The following CALB1 variants were observed in gnomAD, a reference collection of about 807,000 sequenced individuals.
CALB1 encodes the protein calbindin 1.
In CALB1, 16 loss-of-function variants were observed where a neutral mutation model predicts 46.7. The ratio of observed to expected loss-of-function variants is 0.34; its 90% CI spans 0.23 to 0.52. The LOEUF (loss-of-function observed/expected upper bound fraction) is 0.52, where lower values mean the gene tolerates loss of function less well. CALB1 is among the 20% of genes least tolerant of loss of function. The pLI is 0.95. For synonymous variants in CALB1, 90 were observed against 112.8 expected, an observed-to-expected ratio of 0.80 and a Z score of 1.28; for missense variants, 224 against 300.3, an observed-to-expected ratio of 0.75 and a Z score of 1.88.
At chr8:90,060,489 C>T (rs1814275896) in intron 10 of CALB1, 140 bp downstream of exon 10, 3 of 781,856 alleles carry the variant, frequency 3.8e-6, no homozygotes, top group Non-Finnish European at 6.5e-6. Flanking sequence ...TAGGCCAGAA[C>T]CAAATTGAGT....
chr8:90,074,719 A>G (rs1250740722), intron 3 of CALB1, among the ~76,000 whole-genome samples: 1 of 152,176 alleles, frequency 6.6e-6, no homozygotes, highest in African/African-American at 2.4e-5. Context: ...GGGTTGTTAC[A>G]GTTTTAGGAC....
intron 5 of CALB1, among the ~76,000 whole-genome samples, chr8:90,066,651 G>A (rs551549260): frequency 3.2e-4 from 49 of 151,868 alleles, no homozygotes; most frequent in Non-Finnish European, 6.5e-4. Context: ...ATTAATGTGG[G>A]AAGGATGAAA....
At chr8:90,076,181 A>G (rs1447854815) in intron 3 of CALB1, among the ~76,000 whole-genome samples, 1 of 152,086 alleles carries the variant, frequency 6.6e-6, no homozygotes, top group Non-Finnish European at 1.5e-5. Flanking sequence ...TGCTTTGCCC[A>G]AATAACTTCT....
chr8:90,078,406 C>T lies in CALB1; in HGVS notation c.198G>A (p.Gly66=). The change falls in exon 3 of 11, where the codon GGG becomes GGA. Residue 66 remains glycine, a synonymous_variant. Coordinates refer to ENST00000265431, the MANE Select transcript of CALB1 (RefSeq NM_004929.4). ...TTCCTATTTTTCCATCATCTCTTTG[C>T]CCATACTGATCCACAAAAGTTTTCA... ...PEMKTFVDQY[G]QRDDGKIGIV... 7 of 1,594,472 alleles carry T rather than the reference C, an allele frequency of 4.4e-6. No individual in the cohort carries two copies. Among genetic ancestry groups the T allele is most frequent in the Non-Finnish European group, 6.0e-6 (7 of 1,166,916 alleles).
chr8:90,077,616 C>T (rs1165224373), intron 3 of CALB1, among the ~76,000 whole-genome samples: 4 of 151,958 alleles, frequency 2.6e-5, no homozygotes, highest in South Asian at 2.1e-4. Flanking sequence ...AGGCTGGAAA[C>T]GTAGATATAA....
chr8:90,081,796 T>C lies in CALB1; in HGVS notation c.156+230A>G, dbSNP rs750766716. Among the ~76,000 whole-genome samples, 94 of 151,634 alleles carry C rather than the reference T, an allele frequency of 6.2e-4. 1 individual carries two copies. The highest frequency in any genetic ancestry group is 3.1e-4 in the Non-Finnish European group (21 of 67,896). Reference sequence around the variant, plus strand: ...TCTCCCTTCTTCCCTCCCTTCTCTGTCCCTCCCTTCTCTCTCTCTCTCTCT... The same window carrying C: ...TCTCCCTTCTTCCCTCCCTTCTCTGCCCCTCCCTTCTCTCTCTCTCTCTCT... On this transcript the variant is annotated intron_variant, in intron 2 of 10. Coordinates refer to ENST00000265431, the MANE Select transcript of CALB1 (RefSeq NM_004929.4).
chr8:90,070,180 A>C (rs1814484054), intron 3 of CALB1, among the ~76,000 whole-genome samples: 1 of 152,176 alleles, frequency 6.6e-6, no homozygotes, highest in Admixed American at 6.5e-5. Context: ...AGGACTTGAA[A>C]TAGAAGCCAG....
chr8:90,068,943 T>C, intron 5 of CALB1, 55 bp downstream of exon 5: 1 of 1,281,650 alleles, frequency 7.8e-7, no homozygotes, highest in Non-Finnish European at 1.1e-6. Flanking sequence ...AGGAAACTCT[T>C]AGTTCATAAT....
At position 90,082,607 on chromosome 8, in the gene CALB1, G is replaced by C. The variant is rs781016888; in HGVS notation, c.79+12C>G. On this transcript the variant is annotated intron_variant, in intron 1 of 10. Transcript: ENST00000265431. ...ACGGGTCTTGAAACAGTTAAAAAGA[G>C]AAGATAATCACCGTCAGCGTCGAAA... 1.9e-6 allele frequency: 3 copies of C among 1,610,524 alleles called. No homozygotes were observed. The highest frequency in any genetic ancestry group is 1.7e-4 in the Middle Eastern group (1 of 6,058).
chr8:90,073,794 T>C (rs758039745), intron 3 of CALB1, among the ~76,000 whole-genome samples: 9 of 152,096 alleles, frequency 5.9e-5, no homozygotes, highest in African/African-American at 1.7e-4. Context: ...GTGAGAACCA[T>C]ATAGGGAGGC....
intron 2 of CALB1, among the ~76,000 whole-genome samples, chr8:90,078,896 A>G (rs1238399398): frequency 6.6e-6 from 1 of 151,996 alleles, no homozygotes; most frequent in African/African-American, 2.4e-5. Flanking sequence ...ATATGTTTTC[A>G]TTTTGAACAA....
At chr8:90,076,705 A>G (rs1814629022) in intron 3 of CALB1, among the ~76,000 whole-genome samples, 1 of 152,000 alleles carries the variant, frequency 6.6e-6, no homozygotes, top group Admixed American at 6.6e-5. Context: ...ACTTCTGAGG[A>G]AATTTCCTTC....
intron 3 of CALB1, among the ~76,000 whole-genome samples, chr8:90,071,198 T>C (rs529626665): frequency 6.6e-6 from 1 of 152,304 alleles, no homozygotes; most frequent in Non-Finnish European, 1.5e-5. Context: ...TTGTTGGTGA[T>C]TTTTACACGT....
chr8:90,067,554 C>A (rs927123380), intron 5 of CALB1, among the ~76,000 whole-genome samples: 1 of 152,172 alleles, frequency 6.6e-6, no homozygotes. Context: ...AGTGACTTCA[C>A]ATTAAAAACG....
intron 3 of CALB1, among the ~76,000 whole-genome samples, chr8:90,077,692 C>T (rs536267614): frequency 2.6e-5 from 4 of 152,104 alleles, no homozygotes; most frequent in African/African-American, 9.6e-5. Flanking sequence ...AGTTTTGCTT[C>T]CTTGATTCAC....
intron 3 of CALB1, 47 bp downstream of exon 3, chr8:90,078,326 A>G: frequency 8.3e-7 from 1 of 1,198,828 alleles, no homozygotes; most frequent in South Asian, 1.3e-5. Flanking sequence ...TTCAAAATTG[A>G]AACTCATTTA....
At chr8:90,063,511 C>T (rs1036430669) in intron 6 of CALB1, 50 bp from the exon 7 acceptor site, 2 of 1,462,676 alleles carry the variant, frequency 1.4e-6, no homozygotes, top group African/African-American at 1.4e-5. Context: ...TAATTTATTG[C>T]ATGAAGGAGA....
chr8:90,066,885 T>C (rs1300752114), intron 5 of CALB1, among the ~76,000 whole-genome samples: 2 of 152,118 alleles, frequency 1.3e-5, no homozygotes, highest in Non-Finnish European at 2.9e-5. Context: ...TGTGCCCAGA[T>C]ATTATTGAAG....
intron 1 of CALB1, 79 bp downstream of exon 1, chr8:90,082,540 A>G: frequency 3.6e-6 from 4 of 1,106,522 alleles, no homozygotes; most frequent in Admixed American, 1.7e-5. Flanking sequence ...TAATGGGATC[A>G]GGAGGCTCAG....
Sources: allele counts gnomAD v4.1 joint callset (sites outside exome capture counted in the v4.1 genomes callset), GRCh38; gene constraint gnomAD v4.1.1; transcripts MANE v1.5; gene names NCBI Gene and HGNC (gene_info 2026-07-23, HGNC 2026-07-21).